Variants in ZNF569 observed in about 807,000 individuals in gnomAD.
The protein encoded by ZNF569 is zinc finger protein 569, also known as DNA-binding protein.
Under a neutral mutation model 56.3 loss-of-function variants are expected in ZNF569, and 38 were observed. The ratio of observed to expected loss-of-function variants is 0.68; its 90% confidence interval spans 0.52 to 0.88. The LOEUF (loss-of-function observed/expected upper bound fraction) is 0.88, where lower values mean the gene tolerates loss of function less well. ZNF569 is among the 40% of genes least tolerant of loss of function. The pLI, the probability that ZNF569 is intolerant of heterozygous loss-of-function variation, is 0.00. For synonymous variants in ZNF569, 241 were observed against 262.9 expected (o/e 0.92, Z 0.81); for missense variants, 666 against 809.2 (o/e 0.82, Z 2.15).
At chr19:37,443,238 C>T (rs144584623) in intron 3 of ZNF569, among the ~76,000 whole-genome samples, 31 of 152,096 alleles carry the variant, frequency 2.0e-4, no homozygotes, top group African/African-American at 7.0e-4. Flanking sequence ...CCCACCTACT[C>T]GGGAGGCTGA....
chr19:37,438,786 G>A (rs1213520601), intron 3 of ZNF569, among the ~76,000 whole-genome samples: 1 of 152,022 alleles, frequency 6.6e-6, no homozygotes, highest in Non-Finnish European at 1.5e-5. Context: ...TGTACAGCAA[G>A]GGAAACAATC....
At chr19:37,422,190 A>T (rs2041049463) in intron 5 of ZNF569, among the ~76,000 whole-genome samples, 1 of 152,190 alleles carries the variant, frequency 6.6e-6, no homozygotes, top group East Asian at 1.9e-4. Context: ...ATTTAAAGTG[A>T]GAGATGTGCG....
At chr19:37,441,340 G>T (rs2041401927) in intron 3 of ZNF569, among the ~76,000 whole-genome samples, 1 of 152,164 alleles carries the variant, frequency 6.6e-6, no homozygotes, top group Non-Finnish European at 1.5e-5. Context: ...ACCCTGAGTA[G>T]GATGAAGTAG....
intron 5 of ZNF569, among the ~76,000 whole-genome samples, chr19:37,422,522 A>C (rs757225387): frequency 6.6e-6 from 1 of 152,224 alleles, no homozygotes; most frequent in African/African-American, 2.4e-5. Flanking sequence ...CACAGTGAGC[A>C]CATGCTTTTG....
intron 3 of ZNF569, among the ~76,000 whole-genome samples, chr19:37,441,655 C>CA (rs111894389): frequency 1.7e-3 from 235 of 134,320 alleles, no homozygotes; most frequent in Non-Finnish European, 2.0e-3. Flanking sequence ...GACCCTGTTT[C>CA]AAAAAAAAAA....
At chr19:37,459,853 A>G (rs191088427) in intron 2 of ZNF569, among the ~76,000 whole-genome samples, 8 of 152,310 alleles carry the variant, frequency 5.3e-5, no homozygotes, top group Admixed American at 4.6e-4. Context: ...TTCCTGCACT[A>G]CATATGAAGC....
At chr19:37,426,864 C>T (rs947983189) in intron 3 of ZNF569, among the ~76,000 whole-genome samples, 1 of 152,090 alleles carries the variant, frequency 6.6e-6, no homozygotes, top group Non-Finnish European at 1.5e-5. Flanking sequence ...GTGTCTGCAG[C>T]CATGAAAATG....
intron 5 of ZNF569, among the ~76,000 whole-genome samples, chr19:37,424,211 T>G (rs2041086009): frequency 6.6e-6 from 1 of 152,038 alleles, no homozygotes; most frequent in Admixed American, 6.5e-5. Flanking sequence ...ACATTTACAA[T>G]GGAAGAAAGA....
At chr19:37,425,067 C>T (rs762833863) in intron 5 of ZNF569, among the ~76,000 whole-genome samples, 3 of 151,674 alleles carry the variant, frequency 2.0e-5, no homozygotes, top group African/African-American at 7.3e-5. Flanking sequence ...TGCAGTGAGC[C>T]GAGATCGCGC....
Position 37,412,045 on chromosome 19 carries a change from T to G in ZNF569, c.*552A>C, listed in dbSNP as rs1370890353. On this transcript the variant is annotated 3_prime_UTR_variant, in exon 6 of 6. Coordinates refer to ENST00000316950, the MANE Select transcript of ZNF569 (RefSeq NM_152484.3). ...GAAGTTCCTTAAAATAAAACTGATG[T>G]AAACTTCAGAAGTATATTAAACTTA... 2.8e-4 allele frequency: 42 copies of G among 152,148 alleles called. 1 individual carries two copies. The highest frequency in any genetic ancestry group is 2.7e-3 in the Admixed American group (42 of 15,280). The allele number at this position is 152,148 out of a possible 1,614,324, so 9.4% of individuals were successfully genotyped here.
upstream of ZNF569, chr19:37,467,620 C>CG: frequency 1.8e-6 from 1 of 559,040 alleles, no homozygotes; most frequent in South Asian, 2.3e-5. Context: ...TAGAATACAG[C>CG]GGGGTGAAGG....
chr19:37,462,307 T>C (rs1224823637), intron 2 of ZNF569, among the ~76,000 whole-genome samples: 2 of 152,124 alleles, frequency 1.3e-5, no homozygotes, highest in Non-Finnish European at 2.9e-5. Context: ...TATTATCTGC[T>C]TTCTCTCCTG....
intron 2 of ZNF569, among the ~76,000 whole-genome samples, chr19:37,457,699 AG>A (rs570548683): frequency 2.5e-5 from 2 of 78,534 alleles, no homozygotes. Flanking sequence ...GGGTTGGGGG[AG>A]GGGGGAGGGA....
chr19:37,440,223 A>T (rs8109632), intron 3 of ZNF569, among the ~76,000 whole-genome samples: 41,305 of 152,046 alleles, frequency 0.27, 7,017 homozygotes, highest in African/African-American at 0.47. Context: ...AAAAAAACTA[A>T]CAACAAAGAA....
At chr19:37,414,796 TA>T (rs2040901148) in intron 5 of ZNF569, among the ~76,000 whole-genome samples, 1 of 152,134 alleles carries the variant, frequency 6.6e-6, no homozygotes, top group Non-Finnish European at 1.5e-5. Flanking sequence ...GGGACTCTAT[TA>T]AAATACATTT....
At chr19:37,467,709 T>G (rs1600367210), upstream of ZNF569, 1 of 634,094 alleles carries the variant, frequency 1.6e-6, no homozygotes, top group Non-Finnish European at 2.8e-6. Context: ...GAGGGAGGAG[T>G]GACGTAGTGT....
chr19:37,443,886 T>C (rs1046832992), intron 3 of ZNF569, among the ~76,000 whole-genome samples: 2 of 149,078 alleles, frequency 1.3e-5, no homozygotes, highest in Admixed American at 6.7e-5. Context: ...GGCGTGCTGG[T>C]GGGTGCCTAT....
Position 37,412,574 on chromosome 19 carries a change from T to C in ZNF569, c.*23A>G. The C allele has an allele frequency of 7.1e-6, 11 of 1,550,582 alleles. No individual in the cohort carries two copies. Among genetic ancestry groups the C allele is most frequent in the Non-Finnish European group, 9.5e-6 (11 of 1,151,924 alleles). On this transcript the variant is annotated 3_prime_UTR_variant, in exon 6 of 6. Coordinates refer to ENST00000316950, the MANE Select transcript of ZNF569 (RefSeq NM_152484.3). ...TTAATTCCTTCAGATGGCCTTGCCA[T>C]ATTCACAATATTCATAGGGTTTCTA...
At chr19:37,448,700 A>G (rs1442299648) in intron 2 of ZNF569, among the ~76,000 whole-genome samples, 1 of 150,750 alleles carries the variant, frequency 6.6e-6, no homozygotes, top group Non-Finnish European at 1.5e-5. Context: ...AGTAGCTGGG[A>G]CTAAACGCGC....
Sources: gnomAD v4.1 joint callset for allele counts (sites outside exome capture counted in the v4.1 genomes callset) on GRCh38, gnomAD v4.1.1 for gene constraint, MANE v1.5 for transcripts, NCBI Gene and HGNC (gene_info 2026-07-23, HGNC 2026-07-21) for gene names.